B4GALT6: variants seen among roughly 807,000 people sequenced by gnomAD.
The protein encoded by B4GALT6 is beta-1,4-galactosyltransferase 6, also known as UDP-Gal:beta-GlcNAc beta-1,4-galactosyltransferase 6.
A neutral mutation model predicts 46.3 loss-of-function variants in B4GALT6; 14 were observed. That is an observed-to-expected ratio of 0.30 (90% confidence interval 0.20 to 0.47). The LOEUF (loss-of-function observed/expected upper bound fraction) is 0.47, where lower values mean the gene tolerates loss of function less well. Ranked by LOEUF, B4GALT6 falls within the 20% of genes least tolerant of loss-of-function variation. The probability of loss-of-function intolerance (pLI) is 0.99; values close to 1 mark genes in which losing one functional copy is unlikely to be tolerated. For missense variants in B4GALT6, 386 were observed against 480.1 expected (o/e 0.80, Z 1.83); for synonymous variants, 168 against 162.0 (o/e 1.04, Z -0.28).
At chr18:31,720,700 G>A in the B4GALT6 span, among the ~76,000 whole-genome samples, 1 of 152,124 alleles carries the variant, frequency 6.6e-6, no homozygotes, top group African/African-American at 2.4e-5. Context: ...TGGCACGTGT[G>A]TCACCCTGCT....
At chr18:31,655,214 G>A (rs182081114) in intron 3 of B4GALT6, among the ~76,000 whole-genome samples, 1 of 152,344 alleles carries the variant, frequency 6.6e-6, no homozygotes, top group Non-Finnish European at 1.5e-5. Flanking sequence ...GCCTCGTTAT[G>A]TTGGCTGTAC....
At chr18:31,678,822 C>G (rs1421012333) in intron 1 of B4GALT6, among the ~76,000 whole-genome samples, 1 of 152,226 alleles carries the variant, frequency 6.6e-6, no homozygotes, top group Non-Finnish European at 1.5e-5. Context: ...GGCCCTTGGA[C>G]AGGGGGGCAA....
At chr18:31,631,588 C>T (rs548338443) in intron 5 of B4GALT6, among the ~76,000 whole-genome samples, 1 of 151,884 alleles carries the variant, frequency 6.6e-6, no homozygotes, top group Non-Finnish European at 1.5e-5. Context: ...ACTTCAAATA[C>T]ATCAGGATAT....
At chr18:31,715,576 G>A in the B4GALT6 span, among the ~76,000 whole-genome samples, 10 of 83,776 alleles carry the variant, frequency 1.2e-4, no homozygotes, top group South Asian at 2.2e-3. Flanking sequence ...TTGAGATGGA[G>A]TTTCGCTCTT....
intron 1 of B4GALT6, among the ~76,000 whole-genome samples, chr18:31,674,937 C>A (rs1487521591): frequency 6.6e-6 from 1 of 152,144 alleles, no homozygotes; most frequent in Non-Finnish European, 1.5e-5. Context: ...TCAAGGAAAT[C>A]TGCAGTGCAA....
chr18:31,684,601 G>T (rs1008013590), upstream of B4GALT6: 2 of 1,301,048 alleles, frequency 1.5e-6, no homozygotes, highest in African/African-American at 3.0e-5. Flanking sequence ...GGGAGCGGAC[G>T]GAATGAATGG....
chr18:31,672,635 T>C (rs942992006), intron 1 of B4GALT6, among the ~76,000 whole-genome samples: 38 of 152,216 alleles, frequency 2.5e-4, no homozygotes, highest in Non-Finnish European at 2.5e-4. Context: ...AAATTCAGCA[T>C]ACTCTCTTTG....
In B4GALT6 at chr18:31,684,296, G is replaced by A. The variant is rs766101806; in HGVS notation, c.115+16C>T. 1 of 1,613,080 alleles carries A rather than the reference G, an allele frequency of 6.2e-7. No homozygotes were observed. The highest frequency in any genetic ancestry group is 1.1e-5 in the South Asian group (1 of 91,054). On this transcript the variant is annotated intron_variant, in intron 1 of 8. Transcript: ENST00000306851. The stretch of plus-strand genomic sequence containing the variant: ...TGGTGTGACCAGGGGAAGCGAGGGT[G>A]TGTCTCGGTGCTTACCGATGCCTGG...
intron 1 of B4GALT6, among the ~76,000 whole-genome samples, chr18:31,670,057 CTTTT>C (rs534836152): frequency 6.3e-5 from 9 of 143,996 alleles, no homozygotes; most frequent in Admixed American, 5.6e-4. Flanking sequence ...AAATGATGAT[CTTTT>C]TTTTTTTTTT....
chr18:31,681,141 A>G (rs1181369816), intron 1 of B4GALT6, among the ~76,000 whole-genome samples: 1 of 152,302 alleles, frequency 6.6e-6, no homozygotes, highest in East Asian at 1.9e-4. Context: ...TCTTGGGTGC[A>G]CAACTCCTAT....
At chr18:31,685,148 G>A (rs2074531262), upstream of B4GALT6, among the ~76,000 whole-genome samples, 1 of 147,894 alleles carries the variant, frequency 6.8e-6, no homozygotes, top group African/African-American at 2.4e-5. Context: ...CCAGGGCGGC[G>A]TCCCGGCCAG....
chr18:31,694,741 T>C, the B4GALT6 span, among the ~76,000 whole-genome samples: 687 of 152,320 alleles, frequency 4.5e-3, 7 homozygotes, highest in Non-Finnish European at 7.7e-3. Flanking sequence ...TTTTGCTATA[T>C]GATAGAAAAT....
the B4GALT6 span, among the ~76,000 whole-genome samples, chr18:31,699,552 G>A: frequency 6.6e-6 from 1 of 151,390 alleles, no homozygotes; most frequent in African/African-American, 2.4e-5. Context: ...GGGATTACAG[G>A]CGTGAGCCAC....
At chr18:31,639,765 A>T (rs1341328594) in intron 4 of B4GALT6, among the ~76,000 whole-genome samples, 1 of 152,198 alleles carries the variant, frequency 6.6e-6, no homozygotes, top group African/African-American at 2.4e-5. Flanking sequence ...TTCTAATATG[A>T]AATAAAAAAT....
intron 3 of B4GALT6, among the ~76,000 whole-genome samples, chr18:31,652,874 C>G (rs1327527449): frequency 6.6e-6 from 1 of 152,182 alleles, no homozygotes; most frequent in Non-Finnish European, 1.5e-5. Context: ...TCCTGCTGAT[C>G]CCAGTATTTC....
At chr18:31,641,493 T>C (rs757805983) in intron 4 of B4GALT6, among the ~76,000 whole-genome samples, 3 of 152,222 alleles carry the variant, frequency 2.0e-5, no homozygotes, top group Non-Finnish European at 4.4e-5. Context: ...TCAGTTCTTG[T>C]GTTTGTGGAA....
chr18:31,658,086 T>G lies in B4GALT6; in HGVS notation c.236A>C (p.Tyr79Ser). 1 of 1,596,482 alleles carries G rather than the reference T, an allele frequency of 6.3e-7. No homozygotes were observed. Among genetic ancestry groups the G allele is most frequent in the Non-Finnish European group, 8.5e-7 (1 of 1,172,244 alleles). ...NKNSTLNGTD[Y>S]PEGNNSSDYL... ...ATCACTTGAATTATTGCCTTCGGGA[T>G]AATCTTGGAAAGAGAGAAAAGAGTT... Residue 79 changes from tyrosine to serine, a missense_variant, in exon 3 of 9, where the codon TAT becomes TCT. By Grantham distance (144) the Tyr-to-Ser change is moderately radical. This residue lies in a region of B4GALT6 where 323 missense variants were observed against 438.9 expected (regional missense o/e 0.74). Coordinates refer to ENST00000306851, the MANE Select transcript of B4GALT6 (RefSeq NM_004775.5).
At chr18:31,695,337 C>T in the B4GALT6 span, among the ~76,000 whole-genome samples, 2 of 151,456 alleles carry the variant, frequency 1.3e-5, no homozygotes, top group Non-Finnish European at 1.5e-5. Context: ...TGCCTAAAAT[C>T]CTGAATAATT....
the B4GALT6 span, among the ~76,000 whole-genome samples, chr18:31,708,519 C>T: frequency 1.4e-4 from 21 of 152,020 alleles, no homozygotes; most frequent in East Asian, 3.9e-3. Context: ...GAGCTGAGAT[C>T]GTGCCATTTC....
Sources: allele counts gnomAD v4.1 joint callset (sites outside exome capture counted in the v4.1 genomes callset), GRCh38; gene constraint gnomAD v4.1.1; regional missense constraint gnomAD v4.1.1; transcripts MANE v1.5; gene names NCBI Gene and HGNC (gene_info 2026-07-23, HGNC 2026-07-21).